The following ADAMTSL1 variants were observed in gnomAD, a reference collection of about 807,000 sequenced individuals.
ADAMTSL1 encodes ADAMTS like 1.
A neutral mutation model predicts 201.8 loss-of-function variants in ADAMTSL1; 126 were observed. That is an observed-to-expected ratio of 0.62 (90% CI 0.54 to 0.72). ADAMTSL1 has a LOEUF of 0.72. Among genes scored for constraint, ADAMTSL1 ranks in the 30% least tolerant of loss-of-function variants. The pLI is 0.00. For synonymous variants in ADAMTSL1, 1,121 were observed against 903.4 expected (o/e 1.24, Z -4.32); for missense variants, 2,679 against 2,277.8 (o/e 1.18, Z -3.59).
chr9:17,915,030 T>G (rs1826041110), intron 1 of ADAMTSL1, among the ~76,000 whole-genome samples: 1 of 152,218 alleles, frequency 6.6e-6, no homozygotes, highest in Non-Finnish European at 1.5e-5. Flanking sequence ...CTAAGGATTT[T>G]TATTTGTTTT....
At chr9:17,983,000 G>C (rs115687826) in intron 1 of ADAMTSL1, among the ~76,000 whole-genome samples, 2,205 of 150,588 alleles carry the variant, frequency 0.015, 52 homozygotes, top group African/African-American at 0.051. Flanking sequence ...TTGGGGCTAG[G>C]CATTAGTACT....
rs575182123 is a variant in ADAMTSL1, at chr9:18,225,684, T to G, written c.207+61703T>G. On this transcript the variant is annotated intron_variant, in intron 2 of 29. Transcript: ENST00000680146. ...TGTAATTTTAGCTTAATAGAAGTAT[T>G]GATTTGTTCAGAAGTATTTTTAATA... Among the ~76,000 whole-genome samples, 17 of 152,280 alleles carry G rather than the reference T, an allele frequency of 1.1e-4. 1 individual carries two copies. The South Asian group carries it at 3.5e-3, about 32-fold the overall frequency.
chr9:18,450,271 G>A (rs1820353083), intron 2 of ADAMTSL1, among the ~76,000 whole-genome samples: 1 of 152,124 alleles, frequency 6.6e-6, no homozygotes, highest in African/African-American at 2.4e-5. Context: ...CTTGATTGCT[G>A]TGGTCGTTAC....
intron 3 of ADAMTSL1, among the ~76,000 whole-genome samples, chr9:18,555,125 T>C (rs1307840652): frequency 6.6e-6 from 1 of 151,858 alleles, no homozygotes; most frequent in East Asian, 1.9e-4. Context: ...TTTCCTAGTT[T>C]ATTCCTTCTC....
intron 2 of ADAMTSL1, among the ~76,000 whole-genome samples, chr9:18,337,278 C>G (rs1031730347): frequency 6.6e-6 from 1 of 152,124 alleles, no homozygotes; most frequent in Non-Finnish European, 1.5e-5. Context: ...TTGCCAGGGG[C>G]TCTAGGGCCT....
At chr9:18,525,126 A>T (rs569337876) in intron 2 of ADAMTSL1, among the ~76,000 whole-genome samples, 1 of 152,130 alleles carries the variant, frequency 6.6e-6, no homozygotes, top group African/African-American at 2.4e-5. Flanking sequence ...AGAGCCTGTT[A>T]TTGGTCTAGT....
chr9:18,303,828 A>G (rs559512155), intron 2 of ADAMTSL1, among the ~76,000 whole-genome samples: 18 of 152,206 alleles, frequency 1.2e-4, no homozygotes, highest in African/African-American at 4.3e-4. Context: ...TCCATTTGCT[A>G]TTTTGACCTG....
chr9:18,865,430 C>G lies in ADAMTSL1; in HGVS notation c.4250-22401C>G, dbSNP rs940221108. On this transcript the variant is annotated intron_variant, in intron 23 of 28. Transcript: ENST00000380548. Reference sequence around the variant, plus strand: ...GTATATGTGCCACATTTTCTTAATCCAGTCTATCGTTGTTGGACATTTGGG... The same window carrying G: ...GTATATGTGCCACATTTTCTTAATCGAGTCTATCGTTGTTGGACATTTGGG... Among the ~76,000 whole-genome samples the G allele has an allele frequency of 7.4e-4, 113 of 152,126 alleles. 3 individuals are homozygous for G. The highest frequency in any genetic ancestry group is 4.4e-5 in the Non-Finnish European group (3 of 68,038).
At chr9:18,608,688 G>A (rs369864913) in intron 4 of ADAMTSL1, among the ~76,000 whole-genome samples, 2 of 152,252 alleles carry the variant, frequency 1.3e-5, no homozygotes, top group South Asian at 4.1e-4. Context: ...TTCCAACTCA[G>A]TCCCATCACT....
Position 18,718,555 on chromosome 9 carries a change from T to C in ADAMTSL1, c.1877-2981T>C. On this transcript the variant is annotated intron_variant, in intron 14 of 28. Transcript: ENST00000380548. Reference sequence around the variant, plus strand: ...TGCAAACTTGTCGAAACCTAGTACCTCTCACGCTGTCACCGGGTTCCCGCA... The same window carrying C: ...TGCAAACTTGTCGAAACCTAGTACCCCTCACGCTGTCACCGGGTTCCCGCA... 3 of 475,510 alleles carry C rather than the reference T, an allele frequency of 6.3e-6. No homozygotes were observed. The Admixed American group carries it at 6.9e-5, about 11-fold the overall frequency. 29.5% of individuals were successfully genotyped at this position (475,510 alleles called of 1,614,324 possible).
chr9:18,871,367 T>A lies in ADAMTSL1; in HGVS notation c.4250-16464T>A, dbSNP rs1158143205. 8.5e-5 allele frequency among the ~76,000 whole-genome samples: 13 copies of A among 152,314 alleles called. No individual in the cohort carries two copies. In the East Asian group the frequency reaches 2.5e-3, roughly 29 times the overall value. ...TATTACATAGTCTCAGTTTTCCTCTTCTCTCTCAAATCATTTCTTCTCAGG... is the reference window on the plus strand; with the variant it reads ...TATTACATAGTCTCAGTTTTCCTCTACTCTCTCAAATCATTTCTTCTCAGG... On this transcript the variant is annotated intron_variant, in intron 23 of 28. Coordinates refer to ENST00000380548, the MANE Select transcript of ADAMTSL1 (RefSeq NM_001040272.6).
chr9:18,071,626 C>G (rs567516647), intron 1 of ADAMTSL1, among the ~76,000 whole-genome samples: 3 of 152,178 alleles, frequency 2.0e-5, no homozygotes, highest in African/African-American at 4.8e-5. Flanking sequence ...TCAAATGGCC[C>G]TCTGCTTTTA....
intron 23 of ADAMTSL1, among the ~76,000 whole-genome samples, chr9:18,838,478 T>A (rs1358222083): frequency 6.6e-6 from 1 of 151,236 alleles, no homozygotes; most frequent in Admixed American, 6.6e-5. Context: ...GCCTGGAGTT[T>A]CCTCAGAATT....
intron 4 of ADAMTSL1, among the ~76,000 whole-genome samples, chr9:18,600,837 T>C (rs1031080455): frequency 2.6e-5 from 4 of 152,226 alleles, no homozygotes; most frequent in Non-Finnish European, 4.4e-5. Context: ...CCTGTACCTA[T>C]GGTTGTTTCA....
At chr9:18,269,658 C>A (rs1832278195) in intron 2 of ADAMTSL1, among the ~76,000 whole-genome samples, 2 of 152,058 alleles carry the variant, frequency 1.3e-5, no homozygotes, top group Admixed American at 6.6e-5. Context: ...TATAACTGAT[C>A]TACTTGAAAA....
chr9:18,318,495 A>G (rs1348475188), intron 2 of ADAMTSL1, among the ~76,000 whole-genome samples: 1 of 152,208 alleles, frequency 6.6e-6, no homozygotes, highest in African/African-American at 2.4e-5. Flanking sequence ...CTGGATAGAC[A>G]CTGAAGGTTA....
chr9:17,939,647 C>G (rs1588447618), intron 1 of ADAMTSL1, among the ~76,000 whole-genome samples: 1 of 152,024 alleles, frequency 6.6e-6, no homozygotes, highest in East Asian at 1.9e-4. Flanking sequence ...TTAATTTTTT[C>G]AGCTGGATTT....
intron 2 of ADAMTSL1, among the ~76,000 whole-genome samples, chr9:18,290,503 G>A (rs1168548965): frequency 4.6e-5 from 7 of 152,108 alleles, no homozygotes; most frequent in African/African-American, 1.7e-4. Context: ...AATAGCCATG[G>A]TAGAGGCTTG....
intron 23 of ADAMTSL1, among the ~76,000 whole-genome samples, chr9:18,857,904 T>A (rs1826963350): frequency 6.6e-6 from 1 of 152,204 alleles, no homozygotes; most frequent in African/African-American, 2.4e-5. Flanking sequence ...TTTAAGAACT[T>A]CATTACTTTC....
Sources: allele counts gnomAD v4.1 joint callset (sites outside exome capture counted in the v4.1 genomes callset), GRCh38; gene constraint gnomAD v4.1.1; transcripts MANE v1.5; gene names NCBI Gene and HGNC (gene_info 2026-07-23, HGNC 2026-07-21).